Variants in MACROD2 observed in about 807,000 individuals in gnomAD.
MACROD2 encodes the protein ADP-ribose glycohydrolase MACROD2.
Under a neutral mutation model 70.4 loss-of-function variants are expected in MACROD2, and 36 were observed. That is an observed-to-expected ratio of 0.51 (90% CI 0.39 to 0.68). MACROD2 has a LOEUF of 0.68. Ranked by LOEUF, MACROD2 falls within the 30% of genes least tolerant of loss-of-function variation. The probability of loss-of-function intolerance (pLI) is 0.00; values close to 1 mark genes in which losing one functional copy is unlikely to be tolerated. For synonymous variants in MACROD2, 172 were observed against 178.8 expected, an observed-to-expected ratio of 0.96 and a Z score of 0.30; for missense variants, 496 against 538.4, an observed-to-expected ratio of 0.92 and a Z score of 0.78.
chr20:15,025,264 G>T (rs1007606622), intron 5 of MACROD2, among the ~76,000 whole-genome samples: 1 of 151,750 alleles, frequency 6.6e-6, no homozygotes, highest in Non-Finnish European at 1.5e-5. Flanking sequence ...AGAGAGAGGG[G>T]GTTGTGTGTG....
At chr20:14,988,709 C>T (rs959738167) in intron 5 of MACROD2, among the ~76,000 whole-genome samples, 5 of 150,816 alleles carry the variant, frequency 3.3e-5, no homozygotes, top group Admixed American at 3.3e-4. Flanking sequence ...TGTACAAGAG[C>T]TTGGTTTTAA....
At chr20:14,941,131 G>A (rs2074386138) in intron 5 of MACROD2, among the ~76,000 whole-genome samples, 2 of 152,096 alleles carry the variant, frequency 1.3e-5, no homozygotes, top group Admixed American at 6.6e-5. Flanking sequence ...GATTGTATGT[G>A]TCTAGGGATT....
At chr20:14,722,360 A>G (rs1360410033) in intron 5 of MACROD2, among the ~76,000 whole-genome samples, 1 of 152,196 alleles carries the variant, frequency 6.6e-6, no homozygotes, top group East Asian at 1.9e-4. Context: ...AGAATTGAGA[A>G]CAATGATGGA....
intron 1 of MACROD2, among the ~76,000 whole-genome samples, chr20:14,001,209 C>A (rs2052729339): frequency 6.6e-6 from 1 of 152,118 alleles, no homozygotes; most frequent in South Asian, 2.1e-4. Flanking sequence ...CTTTGCTGTG[C>A]TTCATTTCCC....
At chr20:14,682,413 G>A (rs1352088041) in intron 4 of MACROD2, among the ~76,000 whole-genome samples, 1 of 151,032 alleles carries the variant, frequency 6.6e-6, no homozygotes, top group African/African-American at 2.4e-5. Flanking sequence ...ATATATATAT[G>A]TGTGTGTGCT....
chr20:14,083,950 A>C, intron 2 of MACROD2, among the ~76,000 whole-genome samples: 1 of 151,594 alleles, frequency 6.6e-6, no homozygotes, highest in African/African-American at 2.4e-5. Context: ...AGTCTCAGCT[A>C]TTCGGAGAGG....
intron 6 of MACROD2, among the ~76,000 whole-genome samples, chr20:15,411,149 T>TACAC (rs55750139): frequency 0.2 from 28,218 of 144,110 alleles, 2,889 homozygotes; most frequent in South Asian, 0.34. Flanking sequence ...GATATGTATT[T>TACAC]ACACACACAC....
chr20:14,977,302 T>G (rs867134412), intron 5 of MACROD2, among the ~76,000 whole-genome samples: 174 of 146,578 alleles, frequency 1.2e-3, no homozygotes, highest in African/African-American at 4.1e-3. Context: ...CCTTGATTTT[T>G]TTTTTTTTTT....
At chr20:15,587,381 C>G (rs1196284039) in intron 8 of MACROD2, among the ~76,000 whole-genome samples, 1 of 152,140 alleles carries the variant, frequency 6.6e-6, no homozygotes, top group Non-Finnish European at 1.5e-5. Flanking sequence ...GGGGACACAG[C>G]CAAACCATAT....
intron 4 of MACROD2, among the ~76,000 whole-genome samples, chr20:14,581,312 T>A (rs1440348452): frequency 1.3e-5 from 2 of 152,214 alleles, no homozygotes; most frequent in South Asian, 2.1e-4. Flanking sequence ...TCCAGACCAA[T>A]CAAATCAGAA....
rs1478747637 is a variant in MACROD2, at chr20:16,035,183, TTATATATAA to T, written c.1154-6017_1154-6009del. Among the ~76,000 whole-genome samples, 38 of 118,812 alleles carry T rather than the reference TTATATATAA, an allele frequency of 3.2e-4. 1 individual carries two copies. Among genetic ancestry groups the T allele is most frequent in the African/African-American group, 1.3e-3 (38 of 30,094 alleles). The allele number at this position is 118,812 out of a possible 152,430, so 77.9% of individuals were successfully genotyped here. ...AATATAAAATATAAAATATTATATA[TTATATATAA>T]AATATAATATAAAATATTATATATT... On this transcript the variant is annotated intron_variant, in intron 15 of 17. Transcript: ENST00000684519.
At chr20:14,582,195 AAG>A (rs1475045765) in intron 4 of MACROD2, among the ~76,000 whole-genome samples, 1 of 152,190 alleles carries the variant, frequency 6.6e-6, no homozygotes, top group African/African-American at 2.4e-5. Context: ...GACAGTATGA[AAG>A]AGAAAAATCA....
At chr20:14,481,980 G>A (rs951422054) in intron 3 of MACROD2, among the ~76,000 whole-genome samples, 2 of 152,144 alleles carry the variant, frequency 1.3e-5, no homozygotes, top group African/African-American at 4.8e-5. Flanking sequence ...ACCTTGATAA[G>A]CTTACTAAAG....
At chr20:14,390,621 T>G (rs933257052) in intron 3 of MACROD2, among the ~76,000 whole-genome samples, 2 of 152,088 alleles carry the variant, frequency 1.3e-5, no homozygotes, top group African/African-American at 2.4e-5. Flanking sequence ...TTCTACAACC[T>G]GACAGAAATA....
intron 7 of MACROD2, among the ~76,000 whole-genome samples, chr20:15,431,689 A>G (rs1320919491): frequency 6.6e-6 from 1 of 152,028 alleles, no homozygotes; most frequent in Non-Finnish European, 1.5e-5. Context: ...TAAACAAAAA[A>G]TTTGGTTCCA....
At chr20:15,517,696 C>T (rs6110648) in intron 8 of MACROD2, among the ~76,000 whole-genome samples, 2 of 152,192 alleles carry the variant, frequency 1.3e-5, no homozygotes, top group African/African-American at 2.4e-5. Flanking sequence ...GACAAGAAGC[C>T]TGAATCCAGG....
intron 7 of MACROD2, among the ~76,000 whole-genome samples, chr20:15,478,000 A>G (rs2047045496): frequency 6.6e-6 from 1 of 152,250 alleles, no homozygotes; most frequent in Non-Finnish European, 1.5e-5. Flanking sequence ...TGGAGAACAC[A>G]AGGGCATGGA....
At chr20:14,355,849 G>A (rs1363518152) in intron 3 of MACROD2, among the ~76,000 whole-genome samples, 1 of 152,180 alleles carries the variant, frequency 6.6e-6, no homozygotes, top group Admixed American at 6.5e-5. Context: ...TCAGCCTTGA[G>A]ATTATTGGGA....
chr20:14,300,613 A>T (rs1286426395), intron 3 of MACROD2, among the ~76,000 whole-genome samples: 1 of 152,140 alleles, frequency 6.6e-6, no homozygotes, highest in Non-Finnish European at 1.5e-5. Context: ...TAGGATTCAG[A>T]ATCAGAGGTG....
Sources: gnomAD v4.1 joint callset for allele counts (sites outside exome capture counted in the v4.1 genomes callset) on GRCh38, gnomAD v4.1.1 for gene constraint, MANE v1.5 for transcripts, NCBI Gene and HGNC (gene_info 2026-07-23, HGNC 2026-07-21) for gene names.